The following DNAJC25 variants were observed in gnomAD, a reference collection of about 807,000 sequenced individuals.
DNAJC25 encodes the protein dnaJ homolog subfamily C member 25.
In DNAJC25, 26 loss-of-function variants were observed where a neutral mutation model predicts 42.1. The observed-to-expected ratio is 0.62, with a 90% confidence interval of 0.45 to 0.86. The LOEUF (loss-of-function observed/expected upper bound fraction) is 0.86, where lower values mean the gene tolerates loss of function less well. DNAJC25 is among the 40% of genes least tolerant of loss of function. The pLI is 0.00. For missense variants in DNAJC25, 404 were observed against 459.4 expected, an observed-to-expected ratio of 0.88 and a Z score of 1.10; for synonymous variants, 189 against 179.9, an observed-to-expected ratio of 1.05 and a Z score of -0.40.
chr9:111,649,976 A>G (rs1830631437), intron 3 of DNAJC25, 53 bp downstream of exon 3: 3 of 1,457,988 alleles, frequency 2.1e-6, no homozygotes, highest in Non-Finnish European at 2.7e-6. Flanking sequence ...CCAAGTTAAA[A>G]TCAGGTGTAT....
At position 111,653,406 on chromosome 9, in the gene DNAJC25, A is replaced by T; in HGVS notation, c.*184A>T. ...AAACTTTATACATAAGACATTTATGATTGTTCAATTTTTATAATCTATTTG... is the reference window on the plus strand; with the variant it reads ...AAACTTTATACATAAGACATTTATGTTTGTTCAATTTTTATAATCTATTTG... On this transcript the variant is annotated 3_prime_UTR_variant, in exon 4 of 4. Coordinates refer to ENST00000313525, the MANE Select transcript of DNAJC25 (RefSeq NM_001015882.3). The T allele has an allele frequency of 1.8e-6, 1 of 564,966 alleles. No homozygotes were observed. Among genetic ancestry groups the T allele is most frequent in the East Asian group, 3.8e-5 (1 of 26,270 alleles). 35.0% of individuals were successfully genotyped at this position (564,966 alleles called of 1,614,324 possible). A position where few individuals can be genotyped will look rare whatever the true frequency, so the allele number is the denominator to read the frequency against.
At chr9:111,649,299 G>A (rs1240018208) in intron 2 of DNAJC25, among the ~76,000 whole-genome samples, 154 bp from the exon 3 acceptor site, 1 of 151,968 alleles carries the variant, frequency 6.6e-6, no homozygotes, top group Non-Finnish European at 1.5e-5. Flanking sequence ...TCGTTCAGTT[G>A]TGTCTTTTAC....
At chr9:111,632,097 A>G (rs1437971291) in intron 1 of DNAJC25, among the ~76,000 whole-genome samples, 1 of 152,280 alleles carries the variant, frequency 6.6e-6, no homozygotes. Flanking sequence ...CAACAGGGAA[A>G]GTCTCGAATA....
intron 3 of DNAJC25, among the ~76,000 whole-genome samples, chr9:111,652,528 A>G (rs1830678685): frequency 6.7e-6 from 1 of 148,826 alleles, no homozygotes; most frequent in Non-Finnish European, 1.5e-5. Context: ...AAAAAAAAAA[A>G]AAAAAGTACT....
rs750062063 is a variant in DNAJC25, at chr9:111,649,684, A to G, written c.721A>G (p.Ile241Val). The change falls in exon 3 of 4, where the codon ATC (isoleucine) becomes GTC (valine). Residue 241 changes from isoleucine to valine, a missense_variant. By Grantham distance (29) the Ile-to-Val change is conservative. Transcript: ENST00000313525. Reference sequence around the variant, plus strand: ...AAAGGGGGGCTATCAGAAACCCCAAATCTGTGATCTTCTCCTGTTTCAAAT... The same window carrying G: ...AAAGGGGGGCTATCAGAAACCCCAAGTCTGTGATCTTCTCCTGTTTCAAAT... ...DIKGGYQKPQ[I>V]CDLLLFQIIL... The G allele has an allele frequency of 6.2e-6, 10 of 1,614,132 alleles. No homozygotes were observed. The highest frequency in any genetic ancestry group is 1.1e-5 in the South Asian group (1 of 91,080).
At chr9:111,650,188 T>C (rs1298789345) in intron 3 of DNAJC25, among the ~76,000 whole-genome samples, 2 of 152,156 alleles carry the variant, frequency 1.3e-5, no homozygotes, top group South Asian at 2.1e-4. Context: ...TAAACTGCAT[T>C]GGAATGATAT....
In DNAJC25 at chr9:111,631,685, C is replaced by T. The variant is rs1830281645; in HGVS notation, c.278C>T (p.Thr93Met). 4 of 1,523,526 alleles carry T rather than the reference C, an allele frequency of 2.6e-6. No individual in the cohort carries two copies. The highest frequency in any genetic ancestry group is 1.4e-5 in the African/African-American group (1 of 70,604). 94.4% of individuals were successfully genotyped at this position (1,523,526 alleles called of 1,614,324 possible). A position where few individuals can be genotyped will look rare whatever the true frequency, so the allele number is the denominator to read the frequency against. Residue 93 changes from threonine to methionine, a missense_variant, in exon 1 of 4, where the codon ACG becomes ATG. Transcript: ENST00000313525. ...CCCGGAGACGAGGGCCCCGGGCGGA[C>T]GCCGCAGAGCGCCGAGGAGGCTTTC... ...PQPGDEGPGR[T>M]PQSAEEAFLL...
At chr9:111,652,813 C>G (rs1830683584) in intron 3 of DNAJC25, among the ~76,000 whole-genome samples, 1 of 152,106 alleles carries the variant, frequency 6.6e-6, no homozygotes, top group Non-Finnish European at 1.5e-5. Flanking sequence ...TCCCAATGTG[C>G]TGGGATTACA....
chr9:111,641,341 C>T (rs1455026422), intron 1 of DNAJC25, among the ~76,000 whole-genome samples: 25 of 142,066 alleles, frequency 1.8e-4, no homozygotes, highest in African/African-American at 3.7e-4. Context: ...CCGCCCCATC[C>T]GGGAGGGAGG....
intron 1 of DNAJC25, among the ~76,000 whole-genome samples, chr9:111,644,478 A>G (rs1830534352): frequency 6.6e-6 from 1 of 152,214 alleles, no homozygotes; most frequent in Non-Finnish European, 1.5e-5. Context: ...GTTCTGTAGA[A>G]CAGAGATAAG....
intron 3 of DNAJC25, 86 bp from the exon 4 acceptor site, chr9:111,653,014 T>A: frequency 7.4e-7 from 1 of 1,356,898 alleles, no homozygotes; most frequent in African/African-American, 1.5e-5. Context: ...CCTAACATTA[T>A]GTTAGAAAAA....
At chr9:111,644,463 T>C (rs1452224729) in intron 1 of DNAJC25, among the ~76,000 whole-genome samples, 2 of 152,170 alleles carry the variant, frequency 1.3e-5, no homozygotes, top group African/African-American at 4.8e-5. Context: ...AGGGATGATA[T>C]CTACGTTCTG....
chr9:111,639,948 C>CCGTGTCCGTG (rs1564083880), intron 1 of DNAJC25, among the ~76,000 whole-genome samples: 59 of 149,520 alleles, frequency 3.9e-4, no homozygotes, highest in African/African-American at 1.4e-3. Flanking sequence ...CCGTCTCCGT[C>CCGTGTCCGTG]TCCGTCTCCG....
intron 2 of DNAJC25, 143 bp downstream of exon 2, chr9:111,647,402 G>T: frequency 9.1e-7 from 1 of 1,096,968 alleles, no homozygotes; most frequent in South Asian, 1.8e-5. Flanking sequence ...TGGCAATGTT[G>T]GAATCTTTGT....
rs201070228 is a variant in DNAJC25 at position 111,647,250 on chromosome 9, G to A, written c.480G>A (p.Ser160=). 3.2e-5 allele frequency: 52 copies of A among 1,613,912 alleles called. No homozygotes were observed. Among genetic ancestry groups the A allele is most frequent in the South Asian group, 2.7e-4 (25 of 91,058 alleles). The change falls in exon 2 of 4, where the codon TCG becomes TCA. Residue 160 remains serine (S), a synonymous_variant. Coordinates refer to ENST00000313525, the MANE Select transcript of DNAJC25 (RefSeq NM_001015882.3). ...TTTTGGTCAGCGTGTGTGCTATTTC[G>A]GTGTTTCAGGTATGTATCAATGGAT... ...VVILVSVCAI[S]VFQFFSWWNS...
intron 1 of DNAJC25, among the ~76,000 whole-genome samples, chr9:111,644,936 G>A (rs1830544207): frequency 6.6e-6 from 1 of 152,140 alleles, no homozygotes; most frequent in Non-Finnish European, 1.5e-5. Context: ...CCCTTTCTAG[G>A]TTAGGAGCTC....
chr9:111,633,777 G>A (rs78350617), intron 1 of DNAJC25, among the ~76,000 whole-genome samples: 10,212 of 152,172 alleles, frequency 0.067, 404 homozygotes, highest in African/African-American at 0.096. Flanking sequence ...CCCCCATCCC[G>A]GAACTGATCT....
intron 1 of DNAJC25, among the ~76,000 whole-genome samples, chr9:111,642,642 T>A (rs1037799220): frequency 1.1e-4 from 12 of 108,574 alleles, no homozygotes; most frequent in East Asian, 2.8e-4. Flanking sequence ...AATAAATAAA[T>A]AAAAAATAAA....
At chr9:111,652,050 G>A (rs566211887) in intron 3 of DNAJC25, among the ~76,000 whole-genome samples, 1 of 152,246 alleles carries the variant, frequency 6.6e-6, no homozygotes, top group South Asian at 2.1e-4. Context: ...CACCAAATCT[G>A]AAAGTCATCA....
Sources: gnomAD v4.1 joint callset for allele counts (sites outside exome capture counted in the v4.1 genomes callset) on GRCh38, gnomAD v4.1.1 for gene constraint, MANE v1.5 for transcripts, NCBI Gene and HGNC (gene_info 2026-07-23, HGNC 2026-07-21) for gene names.